Variants in ALMS1 observed in about 807,000 individuals in gnomAD.
ALMS1 encodes centrosome-associated protein ALMS1.
A neutral mutation model predicts 352.2 loss-of-function variants in ALMS1; 271 were observed. The observed-to-expected ratio is 0.77, with a 90% CI of 0.70 to 0.85. The LOEUF is 0.85. Among genes scored for constraint, ALMS1 ranks in the 40% least tolerant of loss-of-function variants. The pLI, the probability that ALMS1 is intolerant of heterozygous loss-of-function variation, is 0.00. For synonymous variants in ALMS1, 1,865 were observed against 1,761.2 expected, an observed-to-expected ratio of 1.06 and a Z score of -1.48; for missense variants, 5,445 against 4,870.7, an observed-to-expected ratio of 1.12 and a Z score of -3.51.
At chr2:73,602,560 A>G (rs1558712653) in intron 20 of ALMS1, among the ~76,000 whole-genome samples, 192 bp downstream of exon 20, 1 of 152,224 alleles carries the variant, frequency 6.6e-6, no homozygotes, top group Non-Finnish European at 1.5e-5. Flanking sequence ...TCATGATCCA[A>G]GTAAGCCCAG....
At chr2:73,563,786 A>G (rs1023719465) in intron 15 of ALMS1, among the ~76,000 whole-genome samples, 18 of 151,470 alleles carry the variant, frequency 1.2e-4, no homozygotes, top group Admixed American at 1.1e-3. Flanking sequence ...AACAACTCTT[A>G]GGATGGATTG....
Position 73,452,706 on chromosome 2 carries a change from A to G in ALMS1, c.6179A>G (p.Gln2060Arg), listed in dbSNP as rs1188559937. The G allele has an allele frequency of 6.2e-7, 1 of 1,613,734 alleles. No individual in the cohort carries two copies. The highest frequency in any genetic ancestry group is 2.2e-5 in the East Asian group (1 of 44,878). Residue 2060 changes from glutamine to arginine, a missense_variant, in exon 8 of 23, where the codon CAG becomes CGG. By Grantham distance (43) the Gln-to-Arg change is conservative. Coordinates refer to ENST00000613296, the MANE Select transcript of ALMS1 (RefSeq NM_001378454.1). Reference protein sequence around the residue: ...QTVKPNILFQQQLPDRDQSKG... With the variant: ...QTVKPNILFQRQLPDRDQSKG... ...GTAAAGCCCAATATTTTATTTCAAC[A>G]GCAGTTGCCAGATAGAGATCAAAGT...
In ALMS1 at chr2:73,460,559, T is replaced by A. The variant is rs554203039; in HGVS notation, c.7674+5264T>A. Among the ~76,000 whole-genome samples, 4 of 152,240 alleles carry A rather than the reference T, an allele frequency of 2.6e-5. No homozygotes were observed. The East Asian group carries it at 7.8e-4, about 30-fold the overall frequency. Reference sequence around the variant, plus strand: ...CTGCATTTCCATCTGAGGTACCGGGTTCATCTCACTAGGGAGTGCCAGACA... The same window carrying A: ...CTGCATTTCCATCTGAGGTACCGGGATCATCTCACTAGGGAGTGCCAGACA... On this transcript the variant is annotated intron_variant, in intron 9 of 22. Coordinates refer to ENST00000613296, the MANE Select transcript of ALMS1 (RefSeq NM_001378454.1).
intron 9 of ALMS1, among the ~76,000 whole-genome samples, chr2:73,465,054 C>T (rs890812788): frequency 5.9e-5 from 9 of 152,168 alleles, no homozygotes; most frequent in African/African-American, 2.2e-4. Flanking sequence ...CCATCCCCAT[C>T]AAGCTACCAG....
In ALMS1 at chr2:73,573,406, CAGA is replaced by C. The variant is rs760469620; in HGVS notation, c.11532_11534del (p.Arg3846del). ...ATCCCCTAGTGACTTCTGAGCACAC[CAGA>C]AGGAGACACATCCAGGTACATGGCT... On this transcript the variant is annotated inframe_deletion, in exon 16 of 23. Coordinates refer to ENST00000613296, the MANE Select transcript of ALMS1 (RefSeq NM_001378454.1). 2.5e-6 allele frequency: 4 copies of C among 1,613,990 alleles called. No homozygotes were observed. The highest frequency in any genetic ancestry group is 1.6e-4 in the Middle Eastern group (1 of 6,062).
At chr2:73,502,018 A>G (rs776277334) in intron 10 of ALMS1, among the ~76,000 whole-genome samples, 10 of 152,092 alleles carry the variant, frequency 6.6e-5, no homozygotes, top group Non-Finnish European at 1.0e-4. Context: ...TTAATATACT[A>G]TGGTATATGG....
At chr2:73,535,502 T>TG (rs1385094117) in intron 12 of ALMS1, among the ~76,000 whole-genome samples, 1 of 152,220 alleles carries the variant, frequency 6.6e-6, no homozygotes, top group Non-Finnish European at 1.5e-5. Context: ...TTTTCTGCCT[T>TG]TTATTACAGC....
At chr2:73,433,660 T>A (rs1671553995) in intron 7 of ALMS1, among the ~76,000 whole-genome samples, 1 of 152,048 alleles carries the variant, frequency 6.6e-6, no homozygotes, top group Non-Finnish European at 1.5e-5. Flanking sequence ...TTTGGGAGGC[T>A]GAGGTGGGAG....
chr2:73,603,454 GA>G (rs59142434), intron 21 of ALMS1, 150 bp downstream of exon 21: 53,109 of 518,176 alleles, frequency 0.1, no homozygotes, highest in East Asian at 0.21. Context: ...TTATGGCACT[GA>G]AAAAAAAAAA....
intron 9 of ALMS1, among the ~76,000 whole-genome samples, chr2:73,483,397 T>G (rs1444965490): frequency 1.3e-5 from 2 of 151,960 alleles, no homozygotes; most frequent in Middle Eastern, 3.4e-3. Flanking sequence ...GTGAGATTCT[T>G]AATCTTGAGT....
chr2:73,487,135 A>C (rs576701869), intron 9 of ALMS1, among the ~76,000 whole-genome samples: 1 of 152,188 alleles, frequency 6.6e-6, no homozygotes, highest in Non-Finnish European at 1.5e-5. Flanking sequence ...GGCCAGCAGC[A>C]CCTTCTGCCT....
intron 1 of ALMS1, among the ~76,000 whole-genome samples, chr2:73,386,676 C>T (rs1338477788): frequency 1.3e-5 from 2 of 152,084 alleles, no homozygotes; most frequent in Admixed American, 1.3e-4. Context: ...GGGTTTTCCT[C>T]CCCTGGACCA....
At chr2:73,546,898 G>A (rs1321750660) in intron 12 of ALMS1, among the ~76,000 whole-genome samples, 1 of 152,120 alleles carries the variant, frequency 6.6e-6, no homozygotes, top group Middle Eastern at 3.2e-3. Flanking sequence ...ATATGGAAAG[G>A]GTGCACTGGG....
At chr2:73,577,848 G>A (rs957316572) in intron 16 of ALMS1, among the ~76,000 whole-genome samples, 2 of 152,138 alleles carry the variant, frequency 1.3e-5, no homozygotes, top group South Asian at 4.1e-4. Flanking sequence ...TAAGACGAAT[G>A]TGTATTCTGT....
Position 73,489,892 on chromosome 2 carries a change from TC to T in ALMS1, c.7935del (p.Leu2646CysfsTer3). ...QNNSHFKVWN[S>X]LQLKSHSPFQ... The stretch of plus-strand genomic sequence containing the variant: ...CAACTCCCATTTCAAAGTTTGGAAT[TC>T]CTTGCAGTTAAAAAGTCATTCCCCA... On this transcript the variant is annotated frameshift_variant, in exon 10 of 23. Coordinates refer to ENST00000613296, the MANE Select transcript of ALMS1 (RefSeq NM_001378454.1). LOFTEE classifies it high-confidence loss of function. 6.2e-7 allele frequency: 1 copy of T among 1,614,188 alleles called. No homozygotes were observed. Among genetic ancestry groups the T allele is most frequent in the Non-Finnish European group, 8.5e-7 (1 of 1,180,010 alleles).
rs1671999701 is a variant in ALMS1 at position 73,453,723 on chromosome 2, T to A, written c.7196T>A (p.Ile2399Asn). Residue 2399 changes from isoleucine (I) to asparagine (N), a missense_variant, in exon 8 of 23, where the codon ATT becomes AAT. Coordinates refer to ENST00000613296, the MANE Select transcript of ALMS1 (RefSeq NM_001378454.1). The part of the protein sequence containing the change: ...RSEPEGCSGT[I>N]GNKIIIPMMT... ...GAACCTGAAGGGTGTAGTGGAACCA[T>A]TGGGAATAAAATTATTATCCCTATG... is the stretch of plus-strand genomic sequence containing the variant. The A allele has an allele frequency of 6.2e-7, 1 of 1,613,992 alleles. No homozygotes were observed. The highest frequency in any genetic ancestry group is 2.2e-5 in the East Asian group (1 of 44,888).
intron 16 of ALMS1, among the ~76,000 whole-genome samples, chr2:73,575,069 A>G (rs929510535): frequency 6.6e-6 from 1 of 152,182 alleles, no homozygotes; most frequent in Admixed American, 6.5e-5. Context: ...AGTGTTTTGA[A>G]TATTCATCCA....
intron 10 of ALMS1, among the ~76,000 whole-genome samples, chr2:73,503,326 C>T (rs189272032): frequency 2.7e-4 from 41 of 152,030 alleles, no homozygotes; most frequent in African/African-American, 9.4e-4. Flanking sequence ...TCAATTCCCA[C>T]CTATGAGTGA....
At chr2:73,508,226 C>T (rs1385356971) in intron 10 of ALMS1, among the ~76,000 whole-genome samples, 5 of 116,516 alleles carry the variant, frequency 4.3e-5, no homozygotes, top group African/African-American at 1.1e-4. Flanking sequence ...TTTTTTTTTC[C>T]GAGTCTCACT....
Sources: allele counts gnomAD v4.1 joint callset (sites outside exome capture counted in the v4.1 genomes callset), GRCh38; gene constraint gnomAD v4.1.1; transcripts MANE v1.5; gene names NCBI Gene and HGNC (gene_info 2026-07-23, HGNC 2026-07-21).